Variants in MYO1B observed in about 807,000 individuals in gnomAD.
MYO1B encodes the protein myosin IB, also known as unconventional myosin-Ib.
A neutral mutation model predicts 159.7 loss-of-function variants in MYO1B; 72 were observed. The ratio of observed to expected loss-of-function variants is 0.45; its 90% CI spans 0.37 to 0.55. The LOEUF (loss-of-function observed/expected upper bound fraction) is 0.55. MYO1B is among the 20% of genes least tolerant of loss of function. MYO1B has a pLI of 0.00. For synonymous variants in MYO1B, 468 were observed against 473.8 expected, an observed-to-expected ratio of 0.99 and a Z score of 0.16; for missense variants, 1,062 against 1,364.8, an observed-to-expected ratio of 0.78 and a Z score of 3.50.
chr2:191,246,792 A>G (rs982132855), intron 1 of MYO1B, among the ~76,000 whole-genome samples: 4 of 152,202 alleles, frequency 2.6e-5, no homozygotes, highest in African/African-American at 9.7e-5. Flanking sequence ...CTATAAATAA[A>G]TGAATCAGAC....
At chr2:191,276,115 G>GT (rs1687736980) in intron 1 of MYO1B, among the ~76,000 whole-genome samples, 2 of 152,188 alleles carry the variant, frequency 1.3e-5, no homozygotes, top group African/African-American at 4.8e-5. Flanking sequence ...TGCTGTTATA[G>GT]TGGCATGTCT....
At chr2:191,381,151 T>G in intron 13 of MYO1B, 1 of 382,028 alleles carries the variant, frequency 2.6e-6, no homozygotes, top group Non-Finnish European at 5.0e-6. Flanking sequence ...ACTGTGTCTT[T>G]GCTGATCCTT....
chr2:191,380,837 G>T (rs1377544836), intron 13 of MYO1B, among the ~76,000 whole-genome samples: 1 of 152,180 alleles, frequency 6.6e-6, no homozygotes, highest in Non-Finnish European at 1.5e-5. Context: ...CTTGCTAGGT[G>T]TGAGGTGCTG....
At chr2:191,259,113 A>G (rs1044595285) in intron 1 of MYO1B, among the ~76,000 whole-genome samples, 1 of 152,192 alleles carries the variant, frequency 6.6e-6, no homozygotes, top group Non-Finnish European at 1.5e-5. Context: ...TGCATGGTGA[A>G]CTTTTCTGAC....
chr2:191,412,444 G>A (rs1215836402), intron 27 of MYO1B, among the ~76,000 whole-genome samples: 2 of 152,154 alleles, frequency 1.3e-5, no homozygotes, highest in African/African-American at 2.4e-5. Flanking sequence ...TTAACTTCAA[G>A]CCAAGTCCTT....
At chr2:191,355,450 C>G (rs1312357634) in intron 7 of MYO1B, among the ~76,000 whole-genome samples, 1 of 152,184 alleles carries the variant, frequency 6.6e-6, no homozygotes, top group Non-Finnish European at 1.5e-5. Flanking sequence ...GTAAAATAGG[C>G]ACAAGAATCA....
chr2:191,276,920 T>A lies in MYO1B; in HGVS notation c.25T>A (p.Ser9Thr). ...CATGGCCAAAATGGAGGTGAAAACC[T>A]CACTTCTGGACAATATGATTGGAGT... MAKMEVKT[S>T]LLDNMIGVGD... Residue 9 changes from serine to threonine, a missense_variant, in exon 2 of 31, where the codon TCA becomes ACA. Transcript: ENST00000392318. The A allele has an allele frequency of 1.2e-6, 2 of 1,611,210 alleles. No homozygotes were observed. Among genetic ancestry groups the A allele is most frequent in the Non-Finnish European group, 1.7e-6 (2 of 1,179,176 alleles).
intron 21 of MYO1B, among the ~76,000 whole-genome samples, chr2:191,398,378 A>G (rs1473567716): frequency 1.1e-5 from 1 of 87,586 alleles, no homozygotes; most frequent in Non-Finnish European, 2.6e-5. Flanking sequence ...TGGGCAGAGG[A>G]GCCCCTCACC....
At chr2:191,364,601 G>A (rs532829326) in intron 11 of MYO1B, among the ~76,000 whole-genome samples, 1 of 152,360 alleles carries the variant, frequency 6.6e-6, no homozygotes, top group East Asian at 1.9e-4. Context: ...ACTCAAGTGA[G>A]GTGGGAAATG....
intron 1 of MYO1B, among the ~76,000 whole-genome samples, chr2:191,264,393 G>A (rs1687002404): frequency 6.6e-6 from 1 of 151,886 alleles, no homozygotes; most frequent in Admixed American, 6.6e-5. Flanking sequence ...TAAACCTTGA[G>A]TATGAAGGCA....
At chr2:191,294,733 C>T (rs1299284437) in intron 2 of MYO1B, among the ~76,000 whole-genome samples, 3 of 151,996 alleles carry the variant, frequency 2.0e-5, no homozygotes, top group Non-Finnish European at 4.4e-5. Flanking sequence ...TCTTGTCCAC[C>T]CTTGACAAGA....
Position 191,363,707 on chromosome 2 carries a change from CTTT to C in MYO1B, c.766-13_766-11del. ...AATAACTATAAGAAAAAAATAGTTG[CTTT>C]TTTTTTTCTCTCCCCAGAATGCCAT... On this transcript the variant is annotated intron_variant, in intron 9 of 30. Transcript: ENST00000392318. 7.0e-7 allele frequency: 1 copy of C among 1,432,288 alleles called. No homozygotes were observed. 88.7% of individuals were successfully genotyped at this position (1,432,288 alleles called of 1,614,324 possible). A position where few individuals can be genotyped will look rare whatever the true frequency, so the allele number is the denominator to read the frequency against.
At chr2:191,293,192 A>G (rs991260332) in intron 2 of MYO1B, among the ~76,000 whole-genome samples, 2 of 152,236 alleles carry the variant, frequency 1.3e-5, no homozygotes, top group Non-Finnish European at 2.9e-5. Flanking sequence ...AAATCAAGTC[A>G]CAGGGAGAAA....
intron 4 of MYO1B, among the ~76,000 whole-genome samples, chr2:191,339,836 C>T (rs567932951): frequency 6.6e-5 from 10 of 152,304 alleles, no homozygotes; most frequent in South Asian, 4.1e-4. Flanking sequence ...TTTTAGGTTG[C>T]GCAAAAGCCC....
chr2:191,382,926 C>G (rs1285463551), intron 14 of MYO1B, among the ~76,000 whole-genome samples: 1 of 152,126 alleles, frequency 6.6e-6, no homozygotes, highest in Non-Finnish European at 1.5e-5. Context: ...TAACTTATTT[C>G]CTTATAAACA....
intron 2 of MYO1B, among the ~76,000 whole-genome samples, chr2:191,288,928 A>T (rs954119488): frequency 6.6e-6 from 1 of 151,976 alleles, no homozygotes; most frequent in East Asian, 1.9e-4. Context: ...GATGCAGACG[A>T]CTCCTATACC....
intron 1 of MYO1B, among the ~76,000 whole-genome samples, chr2:191,276,023 G>A (rs957901496): frequency 1.3e-5 from 2 of 152,198 alleles, no homozygotes; most frequent in African/African-American, 4.8e-5. Flanking sequence ...GCGTGCCTCT[G>A]TTTCCACTTG....
chr2:191,297,238 T>C (rs1308509653), intron 3 of MYO1B, among the ~76,000 whole-genome samples: 1 of 152,198 alleles, frequency 6.6e-6, no homozygotes, highest in Non-Finnish European at 1.5e-5. Context: ...GCAGAAACAT[T>C]TCCTGCCTCC....
At chr2:191,247,399 C>T (rs1329419003) in intron 1 of MYO1B, among the ~76,000 whole-genome samples, 2 of 152,168 alleles carry the variant, frequency 1.3e-5, no homozygotes, top group Non-Finnish European at 2.9e-5. Context: ...ATATCTCCTG[C>T]CCACTAAGTG....
Sources: allele counts gnomAD v4.1 joint callset (sites outside exome capture counted in the v4.1 genomes callset), GRCh38; gene constraint gnomAD v4.1.1; transcripts MANE v1.5; gene names NCBI Gene and HGNC (gene_info 2026-07-23, HGNC 2026-07-21).